The following SPATS2L variants were observed in gnomAD, a reference collection of about 807,000 sequenced individuals.
The protein encoded by SPATS2L is SPATS2-like protein.
SPATS2L carries 30 observed loss-of-function variants against 59.6 expected under a neutral mutation model. The observed-to-expected ratio is 0.50, with a 90% CI of 0.38 to 0.68. The LOEUF is 0.68. SPATS2L is among the 30% of genes least tolerant of loss of function. The pLI, the probability that SPATS2L is intolerant of heterozygous loss-of-function variation, is 0.00. For missense variants in SPATS2L, 615 were observed against 700.0 expected (o/e 0.88, Z 1.37); for synonymous variants, 252 against 263.5 (o/e 0.96, Z 0.42).
intron 3 of SPATS2L, among the ~76,000 whole-genome samples, chr2:200,395,655 G>T (rs1393490822): frequency 1.3e-5 from 2 of 152,054 alleles, no homozygotes; most frequent in East Asian, 3.9e-4. Context: ...ATATAAACTA[G>T]AAAGAATCTG....
intron 10 of SPATS2L, among the ~76,000 whole-genome samples, chr2:200,469,046 A>T (rs2086835020): frequency 6.6e-6 from 1 of 152,204 alleles, no homozygotes; most frequent in South Asian, 2.1e-4. Flanking sequence ...AGACTCGTAG[A>T]ACCCCAATTC....
chr2:200,338,419 A>G (rs1409835215), intron 2 of SPATS2L, among the ~76,000 whole-genome samples: 2 of 152,166 alleles, frequency 1.3e-5, no homozygotes, highest in Non-Finnish European at 2.9e-5. Flanking sequence ...GGGCCAGACA[A>G]TGAAGAAACA....
At chr2:200,358,097 A>T (rs2080976541) in intron 2 of SPATS2L, among the ~76,000 whole-genome samples, 3 of 152,356 alleles carry the variant, frequency 2.0e-5, no homozygotes, top group South Asian at 4.1e-4. Context: ...GGATAAAATA[A>T]TATCTGCCTA....
intron 8 of SPATS2L, among the ~76,000 whole-genome samples, chr2:200,448,098 A>G (rs541258544): frequency 8.3e-4 from 127 of 152,098 alleles, no homozygotes; most frequent in Non-Finnish European, 1.4e-3. Context: ...ATAAGCCGTG[A>G]TCATGCCATT....
At chr2:200,310,119 A>G (rs980514677) in intron 1 of SPATS2L, among the ~76,000 whole-genome samples, 1 of 152,146 alleles carries the variant, frequency 6.6e-6, no homozygotes, top group African/African-American at 2.4e-5. Flanking sequence ...CTCCATTCCT[A>G]TTTATCTACT....
At chr2:200,345,029 T>C (rs978487589) in intron 2 of SPATS2L, among the ~76,000 whole-genome samples, 1 of 152,220 alleles carries the variant, frequency 6.6e-6, no homozygotes, top group South Asian at 2.1e-4. Flanking sequence ...CTGTTTGCTC[T>C]GTTGATTGAT....
chr2:200,421,076 G>A (rs2083290983), intron 6 of SPATS2L, among the ~76,000 whole-genome samples: 1 of 152,152 alleles, frequency 6.6e-6, no homozygotes, highest in African/African-American at 2.4e-5. Context: ...GTTATATTCA[G>A]AGCACTGTGC....
At chr2:200,367,592 C>T (rs938151613) in intron 2 of SPATS2L, among the ~76,000 whole-genome samples, 3 of 152,126 alleles carry the variant, frequency 2.0e-5, no homozygotes, top group East Asian at 3.8e-4. Context: ...GGTTTGTTTG[C>T]GTGCAGCGTT....
chr2:200,444,990 A>G (rs1454971213), intron 8 of SPATS2L, among the ~76,000 whole-genome samples: 1 of 152,106 alleles, frequency 6.6e-6, no homozygotes, highest in Non-Finnish European at 1.5e-5. Flanking sequence ...GCATACTAAC[A>G]AATGCTCTGT....
At chr2:200,365,873 G>A (rs537878777) in intron 2 of SPATS2L, among the ~76,000 whole-genome samples, 1 of 152,114 alleles carries the variant, frequency 6.6e-6, no homozygotes, top group African/African-American at 2.4e-5. Context: ...AAAGTTCCTC[G>A]AGGCCAGGGA....
upstream of SPATS2L, chr2:200,306,533 G>A (rs1274501807): frequency 4.0e-6 from 4 of 1,002,320 alleles, no homozygotes; most frequent in Non-Finnish European, 3.6e-6. Context: ...TACAAAACCC[G>A]AGAGAGGCGT....
chr2:200,412,277 C>T (rs576480380), intron 3 of SPATS2L, 34 bp from the exon 4 acceptor site: 19 of 1,249,472 alleles, frequency 1.5e-5, no homozygotes, highest in Non-Finnish European at 2.1e-5. Flanking sequence ...AAAGTGTTCA[C>T]ATTTCTATTT....
In SPATS2L at chr2:200,418,504, G is replaced by A. The variant is rs372369719; in HGVS notation, c.199-746G>A. Among the ~76,000 whole-genome samples, 291 of 152,004 alleles carry A rather than the reference G, an allele frequency of 1.9e-3. 2 individuals are homozygous for A. Among genetic ancestry groups the A allele is most frequent in the African/African-American group, 6.7e-3 (278 of 41,344 alleles). On this transcript the variant is annotated intron_variant, in intron 5 of 12. Transcript: ENST00000409140. ...TGGGAGGATCGCTTATGCCCAGGGG[G>A]TTGAAGCTGCAGTGAGCTGTGATCA...
At chr2:200,368,375 T>G (rs192581467) in intron 2 of SPATS2L, among the ~76,000 whole-genome samples, 1 of 152,310 alleles carries the variant, frequency 6.6e-6, no homozygotes, top group African/African-American at 2.4e-5. Flanking sequence ...GTAAGAGTGA[T>G]GAGAGACTTA....
At chr2:200,331,095 C>T (rs956484921) in intron 2 of SPATS2L, among the ~76,000 whole-genome samples, 4 of 152,158 alleles carry the variant, frequency 2.6e-5, no homozygotes, top group African/African-American at 9.7e-5. Context: ...ATCCTATTGC[C>T]AGCAGTTATG....
At chr2:200,344,861 A>G (rs2080459475) in intron 2 of SPATS2L, among the ~76,000 whole-genome samples, 1 of 152,022 alleles carries the variant, frequency 6.6e-6, no homozygotes, top group Non-Finnish European at 1.5e-5. Context: ...GTGGGCATGT[A>G]TGTCTCCTTT....
chr2:200,435,001 G>A (rs566605601), intron 6 of SPATS2L, among the ~76,000 whole-genome samples: 5 of 152,228 alleles, frequency 3.3e-5, no homozygotes, highest in Non-Finnish European at 5.9e-5. Flanking sequence ...AAATAGTCAC[G>A]CATATAGTCA....
Position 200,375,582 on chromosome 2 carries a change from G to C in SPATS2L, c.-22-13641G>C, listed in dbSNP as rs12990174. On this transcript the variant is annotated intron_variant, in intron 2 of 12. Transcript: ENST00000409140. ...GCTGGGAGGAAGAGCAGAGTGGATT[G>C]GAAGGTGTGTGAAATGATGTGGCTA... 2.0e-5 allele frequency among the ~76,000 whole-genome samples: 3 copies of C among 151,958 alleles called. No individual in the cohort carries two copies. The East Asian group carries it at 5.8e-4, about 29-fold the overall frequency.
intron 3 of SPATS2L, chr2:200,393,228 T>C (rs1208954468): frequency 8.8e-6 from 4 of 456,900 alleles, no homozygotes; most frequent in Middle Eastern, 3.2e-4. Flanking sequence ...ATCAGACTCA[T>C]AGCAATTGAT....
Sources: allele counts gnomAD v4.1 joint callset (sites outside exome capture counted in the v4.1 genomes callset), GRCh38; gene constraint gnomAD v4.1.1; transcripts MANE v1.5; gene names NCBI Gene and HGNC (gene_info 2026-07-23, HGNC 2026-07-21).